The following APLF variants were observed in gnomAD, a reference collection of about 807,000 sequenced individuals.
APLF encodes aprataxin and PNKP like factor.
In APLF, 61 loss-of-function variants were observed where a neutral mutation model predicts 55.6. The observed-to-expected ratio is 1.10, with a 90% CI of 0.89 to 1.36. APLF has a LOEUF of 1.36. APLF is among the 40% of genes most tolerant of loss of function. The probability of loss-of-function intolerance (pLI) is 0.00; values close to 1 mark genes in which losing one functional copy is unlikely to be tolerated. For missense variants in APLF, 611 were observed against 602.5 expected (o/e 1.01, Z -0.15); for synonymous variants, 207 against 214.8 (o/e 0.96, Z 0.32).
chr2:68,494,342 A>G (rs1037116835), intron 2 of APLF, among the ~76,000 whole-genome samples: 1 of 151,352 alleles, frequency 6.6e-6, no homozygotes, highest in African/African-American at 2.4e-5. Flanking sequence ...GGCAAGCTTT[A>G]CAGGAAGCAT....
chr2:68,563,645 C>G (rs1210915789), intron 8 of APLF, among the ~76,000 whole-genome samples: 1 of 152,064 alleles, frequency 6.6e-6, no homozygotes, highest in Non-Finnish European at 1.5e-5. Flanking sequence ...ATACTTGAGT[C>G]TCTAACTCCT....
At chr2:68,476,023 C>G (rs1464367523) in intron 1 of APLF, among the ~76,000 whole-genome samples, 2 of 151,064 alleles carry the variant, frequency 1.3e-5, no homozygotes, top group African/African-American at 4.9e-5. Context: ...AAATCCTATA[C>G]TAGATGACTT....
intron 2 of APLF, among the ~76,000 whole-genome samples, chr2:68,492,235 T>C (rs1351688262): frequency 6.6e-6 from 1 of 151,888 alleles, no homozygotes. Context: ...TCCCAGCACT[T>C]TGGGAGGCCG....
chr2:68,502,021 G>A (rs1316003299), intron 2 of APLF, among the ~76,000 whole-genome samples: 2 of 152,102 alleles, frequency 1.3e-5, no homozygotes, highest in Admixed American at 1.3e-4. Context: ...TGGAGAGAGA[G>A]CATGCATGAG....
At chr2:68,574,803 T>C (rs1026755187) in intron 9 of APLF, among the ~76,000 whole-genome samples, 3 of 152,232 alleles carry the variant, frequency 2.0e-5, no homozygotes, top group African/African-American at 7.2e-5. Flanking sequence ...AGAATTAAAG[T>C]CTTTTATGTA....
At chr2:68,565,539 A>T (rs1297431397) in intron 8 of APLF, among the ~76,000 whole-genome samples, 1 of 151,998 alleles carries the variant, frequency 6.6e-6, no homozygotes, top group Non-Finnish European at 1.5e-5. Flanking sequence ...ACATACATAC[A>T]TACATACATA....
chr2:68,501,209 C>A (rs1676710347), intron 2 of APLF, among the ~76,000 whole-genome samples: 1 of 152,040 alleles, frequency 6.6e-6, no homozygotes, highest in Non-Finnish European at 1.5e-5. Flanking sequence ...TGATGTATGG[C>A]CAGATTCTTA....
intron 1 of APLF, among the ~76,000 whole-genome samples, chr2:68,483,943 A>G (rs1371685242): frequency 6.6e-6 from 1 of 152,156 alleles, no homozygotes; most frequent in East Asian, 1.9e-4. Context: ...TTATATGTAG[A>G]CAAAAAATGA....
Position 68,513,571 on chromosome 2 carries a change from C to T in APLF, c.513C>T (p.Asp171=). 6.2e-7 allele frequency: 1 copy of T among 1,611,284 alleles called. No homozygotes were observed. Among genetic ancestry groups the T allele is most frequent in the East Asian group, 2.2e-5 (1 of 44,782 alleles). The change falls in exon 5 of 10, where the codon GAC becomes GAT. Residue 171 remains aspartate, a synonymous_variant. Coordinates refer to ENST00000303795, the MANE Select transcript of APLF (RefSeq NM_173545.3). ...AGTCTTTCCTAGGTGAAAATAGAGA[C>T]TGCAATAAGCAGCAGCCAATCCTTG... ...NSVSFLGENR[D]CNKQQPILAE... is the part of the protein sequence containing the mutation.
intron 1 of APLF, among the ~76,000 whole-genome samples, chr2:68,472,312 G>C (rs946257417): frequency 1.1e-4 from 17 of 152,190 alleles, no homozygotes; most frequent in Non-Finnish European, 2.1e-4. Flanking sequence ...TTTCCCACAA[G>C]AGACTTTGCA....
chr2:68,494,548 C>T (rs1021058736), intron 2 of APLF, among the ~76,000 whole-genome samples: 8 of 151,812 alleles, frequency 5.3e-5, no homozygotes, highest in African/African-American at 1.9e-4. Context: ...AGGTTTATTA[C>T]CTAGGTGAAT....
At chr2:68,534,164 A>G (rs1242092644) in intron 6 of APLF, among the ~76,000 whole-genome samples, 2 of 152,230 alleles carry the variant, frequency 1.3e-5, no homozygotes, top group Non-Finnish European at 2.9e-5. Context: ...ATTTCTGGCT[A>G]GCATGAATAG....
intron 9 of APLF, among the ~76,000 whole-genome samples, chr2:68,570,919 A>G (rs1354850761): frequency 6.6e-6 from 1 of 152,208 alleles, no homozygotes; most frequent in Non-Finnish European, 1.5e-5. Context: ...CCAACAGTGT[A>G]AAAGTGTTCT....
At chr2:68,501,965 G>A (rs1393378513) in intron 2 of APLF, among the ~76,000 whole-genome samples, 1 of 152,154 alleles carries the variant, frequency 6.6e-6, no homozygotes, top group Non-Finnish European at 1.5e-5. Context: ...GGCCGCATCT[G>A]GTGAGAGCTT....
chr2:68,568,887 C>T (rs1315331977), intron 9 of APLF, among the ~76,000 whole-genome samples: 5 of 152,014 alleles, frequency 3.3e-5, no homozygotes, highest in Non-Finnish European at 5.9e-5. Flanking sequence ...TAGGTTTAGT[C>T]ATATTTTTAA....
chr2:68,535,648 T>C (rs1670367048), intron 6 of APLF, among the ~76,000 whole-genome samples: 1 of 151,890 alleles, frequency 6.6e-6, no homozygotes, highest in South Asian at 2.1e-4. Flanking sequence ...TGGGATTGTT[T>C]CCTTGTCCCA....
chr2:68,513,788 G>T (rs779282790), intron 5 of APLF, 108 bp downstream of exon 5: 2 of 1,297,928 alleles, frequency 1.5e-6, no homozygotes, highest in African/African-American at 1.5e-5. Flanking sequence ...TAGAGTAGAG[G>T]TTGTGTAAGT....
intron 3 of APLF, among the ~76,000 whole-genome samples, chr2:68,510,876 A>G (rs2103948647): frequency 6.6e-6 from 1 of 151,986 alleles, no homozygotes; most frequent in Middle Eastern, 3.4e-3. Flanking sequence ...ATGCTACAAC[A>G]CAGGTGAATC....
chr2:68,484,321 G>A (rs1676059977), intron 1 of APLF, among the ~76,000 whole-genome samples: 1 of 152,006 alleles, frequency 6.6e-6, no homozygotes, highest in Non-Finnish European at 1.5e-5. Context: ...CAAATATAAG[G>A]GATCCACATG....
Sources: gnomAD v4.1 joint callset for allele counts (sites outside exome capture counted in the v4.1 genomes callset) on GRCh38, gnomAD v4.1.1 for gene constraint, MANE v1.5 for transcripts, NCBI Gene and HGNC (gene_info 2026-07-23, HGNC 2026-07-21) for gene names.